The following SSBP2 variants were observed in gnomAD, a reference collection of about 807,000 sequenced individuals.
SSBP2 encodes single-stranded DNA-binding protein 2.
Under a neutral mutation model 61.8 loss-of-function variants are expected in SSBP2, and 17 were observed. That is an observed-to-expected ratio of 0.28 (90% CI 0.19 to 0.41). The LOEUF (loss-of-function observed/expected upper bound fraction) is 0.41. SSBP2 is among the 10% of genes least tolerant of loss of function. SSBP2 has a pLI of 1.00. For missense variants in SSBP2, 310 were observed against 458.7 expected, an observed-to-expected ratio of 0.68 and a Z score of 2.96; for synonymous variants, 139 against 141.3, an observed-to-expected ratio of 0.98 and a Z score of 0.12.
At chr5:81,516,558 C>G (rs1404429524) in intron 4 of SSBP2, among the ~76,000 whole-genome samples, 1 of 152,034 alleles carries the variant, frequency 6.6e-6, no homozygotes, top group East Asian at 1.9e-4. Flanking sequence ...TCCATTCACT[C>G]TGCTGCAATT....
intron 1 of SSBP2, among the ~76,000 whole-genome samples, chr5:81,711,113 T>A (rs925345276): frequency 6.6e-6 from 1 of 152,068 alleles, no homozygotes; most frequent in Non-Finnish European, 1.5e-5. Context: ...GTTAAGAGGG[T>A]ATAAAAGCCT....
intron 9 of SSBP2, among the ~76,000 whole-genome samples, chr5:81,464,009 T>A (rs1764727159): frequency 6.6e-6 from 1 of 152,052 alleles, no homozygotes; most frequent in Non-Finnish European, 1.5e-5. Context: ...CCTCAAGTGA[T>A]CCGCCTGCCT....
At chr5:81,499,399 C>T (rs576410965) in intron 5 of SSBP2, among the ~76,000 whole-genome samples, 1 of 152,298 alleles carries the variant, frequency 6.6e-6, no homozygotes, top group South Asian at 2.1e-4. Flanking sequence ...TGAGACTTTT[C>T]CTCAAGTCTT....
intron 4 of SSBP2, among the ~76,000 whole-genome samples, chr5:81,525,425 C>A (rs557445160): frequency 6.6e-6 from 1 of 152,104 alleles, no homozygotes; most frequent in South Asian, 2.1e-4. Flanking sequence ...TAACTGAGAA[C>A]ATGTGGCATT....
chr5:81,628,009 G>A (rs142291169), intron 3 of SSBP2, among the ~76,000 whole-genome samples: 61 of 151,634 alleles, frequency 4.0e-4, no homozygotes, highest in African/African-American at 1.5e-3. Context: ...AGGCTGCAGC[G>A]AGCTATGATT....
rs564598210 is a variant in SSBP2, at chr5:81,578,937, T to A, written c.282+36536A>T. ...TTTTTTCTTTTTGGAGTACATAGAC[T>A]AAAATTAAAGAACCTAAATTGTATA... On this transcript the variant is annotated intron_variant, in intron 4 of 16. Coordinates refer to ENST00000320672, the MANE Select transcript of SSBP2 (RefSeq NM_012446.5). 1.4e-4 allele frequency among the ~76,000 whole-genome samples: 22 copies of A among 152,154 alleles called. 1 individual carries two copies. In the South Asian group the frequency reaches 4.6e-3, roughly 32 times the overall value.
chr5:81,464,455 G>A (rs889657059), intron 9 of SSBP2, among the ~76,000 whole-genome samples: 3 of 152,080 alleles, frequency 2.0e-5, no homozygotes, highest in Non-Finnish European at 4.4e-5. Context: ...GTTTTTCAGT[G>A]ACACAATATA....
chr5:81,564,753 G>A (rs941880439), intron 4 of SSBP2, among the ~76,000 whole-genome samples: 1 of 152,172 alleles, frequency 6.6e-6, no homozygotes, highest in African/African-American at 2.4e-5. Flanking sequence ...TCAAGAGAAA[G>A]CTGCGCTAAA....
At chr5:81,684,665 T>C (rs1301159264) in intron 1 of SSBP2, among the ~76,000 whole-genome samples, 2 of 152,100 alleles carry the variant, frequency 1.3e-5, no homozygotes, top group South Asian at 2.1e-4. Context: ...ATTTCTCCCA[T>C]TTGGAACAGG....
At chr5:81,520,664 T>C (rs553268668) in intron 4 of SSBP2, among the ~76,000 whole-genome samples, 1 of 152,260 alleles carries the variant, frequency 6.6e-6, no homozygotes, top group South Asian at 2.1e-4. Context: ...TAATCAATGA[T>C]TGTTATAATT....
At chr5:81,603,593 T>A (rs957655947) in intron 4 of SSBP2, among the ~76,000 whole-genome samples, 1 of 152,130 alleles carries the variant, frequency 6.6e-6, no homozygotes, top group Non-Finnish European at 1.5e-5. Flanking sequence ...ACAATGCATA[T>A]GAAAATACTG....
At chr5:81,607,657 A>C (rs1745011011) in intron 4 of SSBP2, among the ~76,000 whole-genome samples, 1 of 152,102 alleles carries the variant, frequency 6.6e-6, no homozygotes, top group Non-Finnish European at 1.5e-5. Flanking sequence ...AAGTCCATTT[A>C]ATTTTTTTTC....
chr5:81,687,339 C>T (rs1752897120), intron 1 of SSBP2, among the ~76,000 whole-genome samples: 1 of 152,192 alleles, frequency 6.6e-6, no homozygotes, highest in Non-Finnish European at 1.5e-5. Flanking sequence ...AGCCCAGTGG[C>T]CAGAACCTGA....
Position 81,731,065 on chromosome 5 carries a change from C to T in SSBP2, c.62+19916G>A, listed in dbSNP as rs535315670. ...AAAACTGAAACTCTATACGATTAAACTTCAATGAAAACAAGTGGGTTCCAA... is the reference window on the plus strand; with the variant it reads ...AAAACTGAAACTCTATACGATTAAATTTCAATGAAAACAAGTGGGTTCCAA... On this transcript the variant is annotated intron_variant, in intron 1 of 16. Coordinates refer to ENST00000320672, the MANE Select transcript of SSBP2 (RefSeq NM_012446.5). 5.4e-4 allele frequency among the ~76,000 whole-genome samples: 82 copies of T among 152,312 alleles called. 1 individual carries two copies. Among genetic ancestry groups the T allele is most frequent in the Non-Finnish European group, 8.7e-4 (59 of 68,024 alleles).
At chr5:81,580,151 C>A (rs575693956) in intron 4 of SSBP2, among the ~76,000 whole-genome samples, 56 of 152,148 alleles carry the variant, frequency 3.7e-4, no homozygotes, top group African/African-American at 1.3e-3. Context: ...AGGGGCTTTC[C>A]TGTAGAATAA....
chr5:81,601,594 C>T (rs781395059), intron 4 of SSBP2, among the ~76,000 whole-genome samples: 3 of 152,146 alleles, frequency 2.0e-5, no homozygotes, highest in Non-Finnish European at 2.9e-5. Context: ...TTTCTTACAA[C>T]TGCATGTGAA....
At chr5:81,557,024 TCA>T (rs1772658917) in intron 4 of SSBP2, among the ~76,000 whole-genome samples, 1 of 152,156 alleles carries the variant, frequency 6.6e-6, no homozygotes, top group African/African-American at 2.4e-5. Context: ...CTTTCTAATC[TCA>T]CTTTCATGTT....
chr5:81,615,250 A>T (rs999975034), intron 4 of SSBP2: 9 of 400,874 alleles, frequency 2.2e-5, no homozygotes, highest in Non-Finnish European at 3.5e-5. Flanking sequence ...AATTTCTTTA[A>T]TAGCTTAGAA....
intron 1 of SSBP2, among the ~76,000 whole-genome samples, chr5:81,672,808 A>C (rs1043347716): frequency 6.6e-6 from 1 of 151,922 alleles, no homozygotes; most frequent in Non-Finnish European, 1.5e-5. Context: ...TCCTGACCTC[A>C]GGTGATCTGC....
Sources: gnomAD v4.1 joint callset for allele counts (sites outside exome capture counted in the v4.1 genomes callset) on GRCh38, gnomAD v4.1.1 for gene constraint, MANE v1.5 for transcripts, NCBI Gene and HGNC (gene_info 2026-07-23, HGNC 2026-07-21) for gene names.